CDRT4: variants seen among roughly 807,000 people sequenced by gnomAD.
CDRT4 encodes CMT1A duplicated region transcript 4.
For missense variants in CDRT4, 167 were observed against 193.1 expected (o/e 0.87, Z 0.80); for synonymous variants, 64 against 69.6 (o/e 0.92, Z 0.40).
At position 15,464,041 on chromosome 17, in the gene CDRT4, A is replaced by C. The variant is rs560462201; in HGVS notation, c.-130+3419T>G. Among the ~76,000 whole-genome samples, 1 of 152,174 alleles carries C rather than the reference A, an allele frequency of 6.6e-6. No individual in the cohort carries two copies. Among genetic ancestry groups the C allele is most frequent in the Non-Finnish European group, 1.5e-5 (1 of 68,018 alleles). The stretch of plus-strand genomic sequence containing the variant: ...ACAGAGCACGGGGACCAGGAACCCA[A>C]TGCCCTCTAGGAGTATGGCATGGAG... On this transcript the variant is annotated intron_variant, in intron 1 of 3. Transcript: ENST00000619038. This position sits in a 1 kb window ranked among gnomAD's most constrained non-coding sequence, Gnocchi z 4.5.
intron 2 of CDRT4, chr17:15,443,771 G>A: frequency 5.9e-6 from 3 of 509,398 alleles, no homozygotes; most frequent in South Asian, 3.1e-5. Flanking sequence ...AGTCTTCTCG[G>A]ACAGAAAACA....
rs1224920438 is a variant in CDRT4, at chr17:15,464,905, AG to A, written c.-130+2554del. 6.6e-6 allele frequency among the ~76,000 whole-genome samples: 1 copy of A among 152,134 alleles called. No individual in the cohort carries two copies. Among genetic ancestry groups the A allele is most frequent in the African/African-American group, 2.4e-5 (1 of 41,430 alleles). ...GGGAACAGAGGCACAGACATCAAGC[AG>A]GGTTCAAGAAAGTGCAAGTGGGTGC... On this transcript the variant is annotated intron_variant, in intron 1 of 3. Transcript: ENST00000619038. The surrounding 1 kb of genome is among the most constrained non-coding windows in gnomAD (Gnocchi z 4.5).
chr17:15,445,805 G>A (rs1978997946), intron 2 of CDRT4, among the ~76,000 whole-genome samples: 1 of 152,090 alleles, frequency 6.6e-6, no homozygotes, highest in South Asian at 2.1e-4. Context: ...AATCTGCAAG[G>A]CTTCTTTTGT....
At chr17:15,454,872 A>G (rs1256489410) in intron 1 of CDRT4, among the ~76,000 whole-genome samples, 1 of 152,164 alleles carries the variant, frequency 6.6e-6, no homozygotes, top group African/African-American at 2.4e-5. Context: ...CCTGCCCCAT[A>G]GTATGTTATG....
At chr17:15,439,034 C>A in intron 3 of CDRT4, 1 of 431,560 alleles carries the variant, frequency 2.3e-6, no homozygotes, top group South Asian at 1.7e-5. Context: ...GTTTATCAAG[C>A]AGCCTGTTCC....
intron 1 of CDRT4, among the ~76,000 whole-genome samples, chr17:15,455,512 T>C (rs1360988108): frequency 6.6e-6 from 1 of 152,250 alleles, no homozygotes; most frequent in Non-Finnish European, 1.5e-5. Flanking sequence ...CTGCATCTAA[T>C]GACTCACTTC....
chr17:15,459,988 G>T (rs1378852035), intron 1 of CDRT4, among the ~76,000 whole-genome samples: 7 of 152,072 alleles, frequency 4.6e-5, no homozygotes, highest in Non-Finnish European at 1.0e-4. Flanking sequence ...GGGTGAGGGA[G>T]CCCCTGTCCC....
At chr17:15,459,439 C>CTTTTTTTTTTTTTT (rs35161691) in intron 1 of CDRT4, among the ~76,000 whole-genome samples, 29 of 107,482 alleles carry the variant, frequency 2.7e-4, no homozygotes, top group Non-Finnish European at 3.6e-4. Flanking sequence ...CTTTTTTTTT[C>CTTTTTTTTTTTTTT]TTTTTTTTTT....
rs1244303928 is a variant in CDRT4, at chr17:15,450,675, C to A, written c.-48+2329G>T. Among the ~76,000 whole-genome samples the A allele has an allele frequency of 1.3e-5, 2 of 151,976 alleles. No homozygotes were observed. The highest frequency in any genetic ancestry group is 4.8e-5 in the African/African-American group (2 of 41,356). Reference sequence around the variant, plus strand: ...CACATCTAACTAGACTGACTTCTTTCCCAAAGTCCAAATACATATATCCAA... The same window carrying A: ...CACATCTAACTAGACTGACTTCTTTACCAAAGTCCAAATACATATATCCAA... On this transcript the variant is annotated intron_variant, in intron 2 of 3. Coordinates refer to ENST00000619038, the MANE Select transcript of CDRT4 (RefSeq NM_001204477.2). This position sits in a 1 kb window ranked among gnomAD's most constrained non-coding sequence, Gnocchi z 4.2.
intron 3 of CDRT4, chr17:15,439,233 GT>G (rs1177946334): frequency 6.7e-6 from 3 of 445,598 alleles, no homozygotes; most frequent in Non-Finnish European, 1.3e-5. Flanking sequence ...AGGGAGGAGA[GT>G]TAAAAGAGTC....
At chr17:15,453,736 G>A (rs1482296761) in intron 1 of CDRT4, among the ~76,000 whole-genome samples, 1 of 152,174 alleles carries the variant, frequency 6.6e-6, no homozygotes, top group African/African-American at 2.4e-5. Flanking sequence ...TTGTTTTGGG[G>A]AAAGTGTAGC....
chr17:15,436,202 A>C lies in CDRT4; in HGVS notation c.*1571T>G, dbSNP rs887695259. The C allele has an allele frequency of 6.6e-6, 1 of 152,220 alleles. No individual in the cohort carries two copies. The highest frequency in any genetic ancestry group is 1.5e-5 in the Non-Finnish European group (1 of 68,038). The allele number at this position is 152,220 out of a possible 1,614,324, so 9.4% of individuals were successfully genotyped here. A position where few individuals can be genotyped will look rare whatever the true frequency, so the allele number is the denominator to read the frequency against. ...TAGGCAGCTGTCCCAACATAAAAGCACAAGAGCCAGAGGTGAGTTCTCCAA... is the reference window on the plus strand; with the variant it reads ...TAGGCAGCTGTCCCAACATAAAAGCCCAAGAGCCAGAGGTGAGTTCTCCAA... On this transcript the variant is annotated 3_prime_UTR_variant, in exon 4 of 4. Coordinates refer to ENST00000619038, the MANE Select transcript of CDRT4 (RefSeq NM_001204477.2).
rs1978501638 is a variant in CDRT4 at position 15,436,658 on chromosome 17, A to G, written c.*1115T>C. 6.6e-6 allele frequency: 1 copy of G among 152,242 alleles called. No homozygotes were observed. Among genetic ancestry groups the G allele is most frequent in the South Asian group, 2.1e-4 (1 of 4,830 alleles). The allele number at this position is 152,242 out of a possible 1,614,324, so 9.4% of individuals were successfully genotyped here. On this transcript the variant is annotated 3_prime_UTR_variant, in exon 4 of 4. Coordinates refer to ENST00000619038, the MANE Select transcript of CDRT4 (RefSeq NM_001204477.2). ...CACTTGGTTCCACAAGGCAAACCCC[A>G]GAGAAGTACAGGGGAAAAGAGCTCT...
intron 2 of CDRT4, among the ~76,000 whole-genome samples, chr17:15,449,130 C>T (rs978790541): frequency 1.3e-5 from 2 of 152,264 alleles, no homozygotes; most frequent in Non-Finnish European, 2.9e-5. Flanking sequence ...CTTTTGGGTG[C>T]TGTCATCTCA....
intron 2 of CDRT4, among the ~76,000 whole-genome samples, chr17:15,447,580 A>C (rs548965831): frequency 6.6e-5 from 10 of 152,334 alleles, no homozygotes; most frequent in Admixed American, 5.9e-4. Flanking sequence ...TGCGGGAAGA[A>C]GCATTAGGCA....
intron 2 of CDRT4, among the ~76,000 whole-genome samples, chr17:15,449,835 GT>G (rs1356969839): frequency 6.6e-6 from 1 of 152,196 alleles, no homozygotes; most frequent in African/African-American, 2.4e-5. Context: ...TTCTGGGTTA[GT>G]TTACTTAGAA....
intron 1 of CDRT4, among the ~76,000 whole-genome samples, chr17:15,455,671 G>A (rs1254523279): frequency 3.3e-5 from 5 of 152,198 alleles, no homozygotes. Context: ...CTGCCCTATG[G>A]AGAGGCCCAT....
At chr17:15,449,592 G>A (rs1979175469) in intron 2 of CDRT4, among the ~76,000 whole-genome samples, 1 of 152,038 alleles carries the variant, frequency 6.6e-6, no homozygotes, top group African/African-American at 2.4e-5. Context: ...AAGGGTCCGT[G>A]TGCCTGTTTG....
chr17:15,466,385 G>A (rs1980044008), intron 1 of CDRT4, among the ~76,000 whole-genome samples: 1 of 152,184 alleles, frequency 6.6e-6, no homozygotes, highest in Non-Finnish European at 1.5e-5. Flanking sequence ...GGGAAGGGCT[G>A]CCTCATCTGC....
Sources: allele counts gnomAD v4.1 joint callset (sites outside exome capture counted in the v4.1 genomes callset), GRCh38; gene constraint gnomAD v4.1.1; non-coding constraint Gnocchi (gnomAD v3.1); transcripts MANE v1.5; gene names NCBI Gene and HGNC (gene_info 2026-07-23, HGNC 2026-07-21).